The following AKAP6 variants were observed in gnomAD, a reference collection of about 807,000 sequenced individuals.
AKAP6 encodes the protein A-kinase anchoring protein 6.
A neutral mutation model predicts 188.5 loss-of-function variants in AKAP6; 58 were observed. The observed-to-expected ratio is 0.31, with a 90% CI of 0.25 to 0.38. The LOEUF is 0.38. Among genes scored for constraint, AKAP6 ranks in the 10% least tolerant of loss-of-function variants. The pLI is 1.00. For synonymous variants in AKAP6, 989 were observed against 998.6 expected, an observed-to-expected ratio of 0.99 and a Z score of 0.18; for missense variants, 2,710 against 2,740.0, an observed-to-expected ratio of 0.99 and a Z score of 0.24.
At chr14:32,463,592 TC>T (rs1233632869) in intron 2 of AKAP6, among the ~76,000 whole-genome samples, 1 of 152,168 alleles carries the variant, frequency 6.6e-6, no homozygotes, top group African/African-American at 2.4e-5. Flanking sequence ...CTGGGCCACA[TC>T]TAAAGCAGTG....
At chr14:32,331,690 A>G (rs978441112) in intron 1 of AKAP6, among the ~76,000 whole-genome samples, 1 of 151,992 alleles carries the variant, frequency 6.6e-6, no homozygotes, top group African/African-American at 2.4e-5. Flanking sequence ...CAAGGGGTAG[A>G]TGGTGTGTGT....
At chr14:32,660,429 C>T (rs184468005) in intron 7 of AKAP6, among the ~76,000 whole-genome samples, 7 of 152,168 alleles carry the variant, frequency 4.6e-5, no homozygotes, top group Admixed American at 4.6e-4. Flanking sequence ...AATGGGTATG[C>T]TGGGTTGTTC....
chr14:32,700,473 C>G (rs1890576765), intron 9 of AKAP6, among the ~76,000 whole-genome samples: 1 of 152,186 alleles, frequency 6.6e-6, no homozygotes, highest in Non-Finnish European at 1.5e-5. Flanking sequence ...TTACCTGCTC[C>G]TCATCAATAA....
At chr14:32,779,442 C>T (rs1049603866) in intron 12 of AKAP6, among the ~76,000 whole-genome samples, 1 of 143,162 alleles carries the variant, frequency 7.0e-6, no homozygotes, top group Admixed American at 6.9e-5. Flanking sequence ...CAAAGGAAAC[C>T]CACTTTAAAC....
chr14:32,470,216 C>G (rs1307469010), intron 2 of AKAP6, among the ~76,000 whole-genome samples: 1 of 152,064 alleles, frequency 6.6e-6, no homozygotes, highest in Admixed American at 6.6e-5. Flanking sequence ...TTGGGCCACA[C>G]CTGGGAACTG....
rs1255573302 is a variant in AKAP6, at chr14:32,600,718, C to G, written c.2656C>G (p.Leu886Val). 6.2e-7 allele frequency: 1 copy of G among 1,613,636 alleles called. No individual in the cohort carries two copies. Among genetic ancestry groups the G allele is most frequent in the South Asian group, 1.1e-5 (1 of 91,018 alleles). The change falls in exon 7 of 14, where the codon CTG (leucine) becomes GTG (valine). Residue 886 changes from leucine to valine, a missense_variant. Physicochemically the swap from Leu to Val is conservative, Grantham distance 32. Around this residue, in one of 2 missense-constraint regions of AKAP6, gnomAD observed 2,473 missense variants for 2,426.1 expected, o/e 1.02. Transcript: ENST00000280979. ...GCAGCACAGCTGGATTCTCAGGGCT[C>G]TGGATACCATCAAAGCCGAGATACT... ...KRQHSWILRA[L>V]DTIKAEILAT...
At chr14:32,353,685 A>G (rs1358115081) in intron 1 of AKAP6, among the ~76,000 whole-genome samples, 2 of 152,186 alleles carry the variant, frequency 1.3e-5, no homozygotes, top group Non-Finnish European at 2.9e-5. Flanking sequence ...TTTGCAGATG[A>G]CATGATTGTA....
At position 32,821,902 on chromosome 14, in the gene AKAP6, G is replaced by A. The variant is rs750114156; in HGVS notation, c.4089G>A (p.Glu1363=). The change falls in exon 13 of 14, where the codon GAG becomes GAA. Residue 1363 remains glutamate (E), a synonymous_variant. Coordinates refer to ENST00000280979, the MANE Select transcript of AKAP6 (RefSeq NM_004274.5). ...ACATGAGCCAGAATTCAGGCAGTGA[G>A]AGTGGAATTGTCAGTGAAGGAGACA... ...GGDMSQNSGS[E]SGIVSEGDTE... 2.5e-6 allele frequency: 4 copies of A among 1,613,942 alleles called. No homozygotes were observed. Among genetic ancestry groups the A allele is most frequent in the Non-Finnish European group, 3.4e-6 (4 of 1,179,938 alleles).
chr14:32,420,570 T>C (rs1471797069), intron 1 of AKAP6, among the ~76,000 whole-genome samples: 1 of 152,182 alleles, frequency 6.6e-6, no homozygotes, highest in Non-Finnish European at 1.5e-5. Context: ...TAATTATTAT[T>C]GTGTGCTTAG....
chr14:32,700,880 C>G (rs1890592845), intron 9 of AKAP6, among the ~76,000 whole-genome samples: 1 of 152,042 alleles, frequency 6.6e-6, no homozygotes, highest in Non-Finnish European at 1.5e-5. Context: ...CAGAACATAC[C>G]CCGTTGTTAA....
At chr14:32,760,413 C>T (rs1411383452) in intron 11 of AKAP6, among the ~76,000 whole-genome samples, 1 of 152,150 alleles carries the variant, frequency 6.6e-6, no homozygotes, top group Non-Finnish European at 1.5e-5. Flanking sequence ...GTATGGAGGG[C>T]ACATAGAAGT....
intron 1 of AKAP6, among the ~76,000 whole-genome samples, chr14:32,364,877 C>T (rs1887782240): frequency 6.6e-6 from 1 of 152,084 alleles, no homozygotes; most frequent in African/African-American, 2.4e-5. Context: ...GCCAGAGATG[C>T]TTTGATTCTG....
chr14:32,474,782 A>G (rs1878970526), intron 2 of AKAP6, among the ~76,000 whole-genome samples: 1 of 152,226 alleles, frequency 6.6e-6, no homozygotes, highest in Non-Finnish European at 1.5e-5. Flanking sequence ...CTCATTTTCC[A>G]AAATTTGTTC....
intron 1 of AKAP6, among the ~76,000 whole-genome samples, chr14:32,368,225 G>A (rs899798340): frequency 1.3e-5 from 2 of 152,150 alleles, no homozygotes. Flanking sequence ...ATCCATTGCA[G>A]ATAAGGGAGG....
intron 12 of AKAP6, among the ~76,000 whole-genome samples, chr14:32,793,255 T>G (rs964111758): frequency 6.6e-6 from 1 of 151,964 alleles, no homozygotes; most frequent in Non-Finnish European, 1.5e-5. Flanking sequence ...CCAAGACCCA[T>G]CAGTATGCTG....
chr14:32,666,812 G>GTAA (rs1168012249), intron 7 of AKAP6, among the ~76,000 whole-genome samples: 2 of 151,654 alleles, frequency 1.3e-5, no homozygotes, highest in African/African-American at 4.8e-5. Flanking sequence ...AAATCACTAT[G>GTAA]GAATTATTTT....
intron 12 of AKAP6, among the ~76,000 whole-genome samples, chr14:32,779,632 A>G (rs2033180019): frequency 6.6e-6 from 1 of 152,122 alleles, no homozygotes; most frequent in African/African-American, 2.4e-5. Context: ...ACATTACTAA[A>G]TGTTTATGCT....
In AKAP6 at chr14:32,718,430, G is replaced by A. The variant is rs190585259; in HGVS notation, c.3001-14024G>A. 3.5e-5 allele frequency: 20 copies of A among 565,430 alleles called. No homozygotes were observed. In the African/African-American group the frequency reaches 3.9e-4, roughly 11 times the overall value. 35.0% of individuals were successfully genotyped at this position (565,430 alleles called of 1,614,324 possible). ...AAAGGCCCAAGGGGTCAGGGGATGG[G>A]TAGAACAGAATGGTTTTTAAGCCTG... On this transcript the variant is annotated intron_variant, in intron 9 of 13. Coordinates refer to ENST00000280979, the MANE Select transcript of AKAP6 (RefSeq NM_004274.5).
intron 13 of AKAP6, among the ~76,000 whole-genome samples, chr14:32,828,400 C>A (rs956040317): frequency 6.6e-6 from 1 of 151,988 alleles, no homozygotes; most frequent in African/African-American, 2.4e-5. Context: ...TTTAATAAAC[C>A]AATGTTTTGC....
Sources: allele counts gnomAD v4.1 joint callset (sites outside exome capture counted in the v4.1 genomes callset), GRCh38; gene constraint gnomAD v4.1.1; regional missense constraint gnomAD v4.1.1; transcripts MANE v1.5; gene names NCBI Gene and HGNC (gene_info 2026-07-23, HGNC 2026-07-21).